The following PAIP1 variants were observed in gnomAD, a reference collection of about 807,000 sequenced individuals.
The protein encoded by PAIP1 is polyadenylate-binding protein-interacting protein 1.
PAIP1 carries 16 observed loss-of-function variants against 61.3 expected under a neutral mutation model. That is an observed-to-expected ratio of 0.26 (90% CI 0.18 to 0.40). The LOEUF (loss-of-function observed/expected upper bound fraction) is 0.40, where lower values mean the gene tolerates loss of function less well. PAIP1 is among the 10% of genes least tolerant of loss of function. The probability of loss-of-function intolerance (pLI) is 1.00; values close to 1 mark genes in which losing one functional copy is unlikely to be tolerated. For missense variants in PAIP1, 416 were observed against 600.9 expected, an observed-to-expected ratio of 0.69 and a Z score of 3.22; for synonymous variants, 187 against 226.2, an observed-to-expected ratio of 0.83 and a Z score of 1.56.
At chr5:43,555,416 G>T (rs1303288656) in intron 2 of PAIP1, among the ~76,000 whole-genome samples, 1 of 152,086 alleles carries the variant, frequency 6.6e-6, no homozygotes, top group East Asian at 1.9e-4. Context: ...TGCTTTGTAC[G>T]GCTATTTAAG....
chr5:43,549,366 T>C (rs1747769981), intron 2 of PAIP1, among the ~76,000 whole-genome samples: 1 of 152,198 alleles, frequency 6.6e-6, no homozygotes, highest in Non-Finnish European at 1.5e-5. Flanking sequence ...AATTCCCATG[T>C]GTTGTGGGAG....
intron 9 of PAIP1, among the ~76,000 whole-genome samples, chr5:43,531,253 CA>C (rs1746917284): frequency 6.7e-6 from 1 of 149,054 alleles, no homozygotes; most frequent in Non-Finnish European, 1.5e-5. Flanking sequence ...TGGCTCCTGG[CA>C]GAAGGAAATA....
chr5:43,547,717 A>C lies in PAIP1; in HGVS notation c.621+11T>G, dbSNP rs372287515. The C allele has an allele frequency of 7.0e-5, 111 of 1,586,566 alleles. No homozygotes were observed. In the Middle Eastern group the frequency reaches 9.1e-4, roughly 13 times the overall value. ...TATCTGAAGGTCACTGCATGCTATA[A>C]GCCAACATACCTGTTGATAGATGAG... is the stretch of plus-strand genomic sequence containing the variant. On this transcript the variant is annotated intron_variant, in intron 3 of 10. Coordinates refer to ENST00000306846, the MANE Select transcript of PAIP1 (RefSeq NM_006451.5).
intron 3 of PAIP1, among the ~76,000 whole-genome samples, chr5:43,546,313 G>C (rs1561235678): frequency 6.6e-6 from 1 of 152,190 alleles, no homozygotes; most frequent in African/African-American, 2.4e-5. Context: ...CTGAATAACT[G>C]AAACTAAATA....
In PAIP1 at chr5:43,534,521, G is replaced by A. The variant is rs1270870360; in HGVS notation, c.1197+332C>T. On this transcript the variant is annotated intron_variant, in intron 8 of 10. Transcript: ENST00000306846. The stretch of plus-strand genomic sequence containing the variant: ...GCCAACCAATTTTATTTTATTTTTC[G>A]TTACTACAACATGCAAAGTAAAAGT... Among the ~76,000 whole-genome samples, 4 of 152,214 alleles carry A rather than the reference G, an allele frequency of 2.6e-5. No individual in the cohort carries two copies. In the East Asian group the frequency reaches 5.8e-4, roughly 22 times the overall value.
chr5:43,555,800 C>A (rs754911763), intron 2 of PAIP1, 30 bp downstream of exon 2: 9 of 1,557,810 alleles, frequency 5.8e-6, no homozygotes, highest in Non-Finnish European at 7.9e-6. Flanking sequence ...GTAAATTAAC[C>A]CAGAGTTGTA....
At chr5:43,551,541 G>A (rs1484915286) in intron 2 of PAIP1, among the ~76,000 whole-genome samples, 1 of 152,078 alleles carries the variant, frequency 6.6e-6, no homozygotes. Context: ...CTACATACAT[G>A]CGTGAATTTT....
At position 43,556,858 on chromosome 5, in the gene PAIP1, T is replaced by C. The variant is rs1317748937; in HGVS notation, c.-12A>G. ...AAACCGTCCGACATGCTCCTCCTCC[T>C]CCGCCTCCTCCTCCAGGGGCCGCTG... is the stretch of plus-strand genomic sequence containing the variant. On this transcript the variant is annotated 5_prime_UTR_variant, in exon 1 of 11. Transcript: ENST00000306846. 1 of 1,407,104 alleles carries C rather than the reference T, an allele frequency of 7.1e-7. No individual in the cohort carries two copies. The allele number at this position is 1,407,104 out of a possible 1,614,324, so 87.2% of individuals were successfully genotyped here. A position where few individuals can be genotyped will look rare whatever the true frequency, so the allele number is the denominator to read the frequency against.
chr5:43,534,212 T>C (rs869232788), intron 8 of PAIP1, among the ~76,000 whole-genome samples: 9 of 152,046 alleles, frequency 5.9e-5, no homozygotes, highest in East Asian at 5.8e-4. Context: ...TTTTTTTTTT[T>C]CCCTGAGACA....
At chr5:43,551,480 G>A (rs4535459) in intron 2 of PAIP1, among the ~76,000 whole-genome samples, 74,760 of 152,070 alleles carry the variant, frequency 0.49, 19,683 homozygotes, top group East Asian at 0.91. Context: ...ACATTATAAA[G>A]TTGTGAAAGC....
intron 5 of PAIP1, among the ~76,000 whole-genome samples, chr5:43,537,996 CAAAAA>C (rs5867636): frequency 1.5e-4 from 14 of 92,666 alleles, no homozygotes; most frequent in South Asian, 3.9e-4. Flanking sequence ...TGTCCCCACC[CAAAAA>C]AAAAAAAAAA....
chr5:43,540,088 T>TC (rs1747336098), intron 4 of PAIP1, among the ~76,000 whole-genome samples: 1 of 152,222 alleles, frequency 6.6e-6, no homozygotes, highest in Non-Finnish European at 1.5e-5. Flanking sequence ...AGTAATTGAC[T>TC]CTGGGTCAGT....
chr5:43,526,282 T>A lies in PAIP1; in HGVS notation c.*1094A>T. On this transcript the variant is annotated 3_prime_UTR_variant, in exon 11 of 11. Transcript: ENST00000306846. ...ACTTCAAAAATTTAGAGGAAACAAC[T>A]ATTTAAGCTTTATTTTCAAAGTCTA... 1 of 152,728 alleles carries A rather than the reference T, an allele frequency of 6.5e-6. No individual in the cohort carries two copies. 9.5% of individuals were successfully genotyped at this position (152,728 alleles called of 1,614,324 possible).
At chr5:43,537,962 C>A (rs534050104) in intron 5 of PAIP1, among the ~76,000 whole-genome samples, 9 of 147,452 alleles carry the variant, frequency 6.1e-5, no homozygotes, top group African/African-American at 2.0e-4. Flanking sequence ...TCACTGCACT[C>A]CAGCCTGGGT....
intron 5 of PAIP1, 89 bp from the exon 6 acceptor site, chr5:43,537,033 G>C: frequency 1.1e-6 from 1 of 870,450 alleles, no homozygotes. Flanking sequence ...GGCAAAATAA[G>C]CATTTTAGCT....
intron 10 of PAIP1, among the ~76,000 whole-genome samples, chr5:43,529,286 C>T (rs1746840500): frequency 6.6e-6 from 1 of 152,080 alleles, no homozygotes; most frequent in African/African-American, 2.4e-5. Flanking sequence ...CTTAAGTATA[C>T]TATATTTTAA....
intron 10 of PAIP1, among the ~76,000 whole-genome samples, chr5:43,529,347 A>T (rs1015951911): frequency 3.3e-5 from 5 of 152,162 alleles, no homozygotes; most frequent in African/African-American, 1.2e-4. Context: ...GTGAGTTAAT[A>T]CAATTTTCTG....
Position 43,536,953 on chromosome 5 carries a change from A to C in PAIP1, c.847-9T>G. ...CCATTTGTTCCCTTGATCTTTCGGG[A>C]CCAAAAAAAAGAACAAAAGGAATGA... On this transcript the variant is annotated splice_polypyrimidine_tract_variant and intron_variant, in intron 5 of 10. Transcript: ENST00000306846. 6.4e-7 allele frequency: 1 copy of C among 1,558,454 alleles called. No homozygotes were observed.
intron 5 of PAIP1, 74 bp from the exon 6 acceptor site, chr5:43,537,018 G>T (rs1347157940): frequency 2.8e-6 from 3 of 1,071,646 alleles, no homozygotes; most frequent in Non-Finnish European, 3.9e-6. Context: ...AACTAACAAG[G>T]TGTTGGCAAA....
Sources: allele counts gnomAD v4.1 joint callset (sites outside exome capture counted in the v4.1 genomes callset), GRCh38; gene constraint gnomAD v4.1.1; transcripts MANE v1.5; gene names NCBI Gene and HGNC (gene_info 2026-07-23, HGNC 2026-07-21).